AVIL: variants seen among roughly 807,000 people sequenced by gnomAD.
AVIL encodes the protein advillin.
In AVIL, 78 loss-of-function variants were observed where a neutral mutation model predicts 109.9. The ratio of observed to expected loss-of-function variants is 0.71; its 90% CI spans 0.59 to 0.86. The LOEUF (loss-of-function observed/expected upper bound fraction) is 0.86, where lower values mean the gene tolerates loss of function less well. Among genes scored for constraint, AVIL ranks in the 40% least tolerant of loss-of-function variants. The pLI, the probability that AVIL is intolerant of heterozygous loss-of-function variation, is 0.00. For synonymous variants in AVIL, 367 were observed against 379.1 expected (o/e 0.97, Z 0.37); for missense variants, 892 against 1,016.5 (o/e 0.88, Z 1.67).
chr12:57,803,119 A>T lies in AVIL; in HGVS notation c.1962+128T>A, dbSNP rs1166581866. ...GGGCTTTCTTTTGGTCACTGCTGAC[A>T]AAGGTTTGATTGAGCTGGGGATGGT... On this transcript the variant is annotated intron_variant, in intron 16 of 19. Transcript: ENST00000549994. 25 of 1,250,056 alleles carry T rather than the reference A, an allele frequency of 2.0e-5. 1 individual carries two copies. In the Admixed American group the frequency reaches 5.6e-4, roughly 28 times the overall value. 77.4% of individuals were successfully genotyped at this position (1,250,056 alleles called of 1,614,324 possible).
intron 2 of AVIL, chr12:57,814,515 G>T: frequency 2.7e-6 from 1 of 370,002 alleles, no homozygotes. Flanking sequence ...GCACTATTGT[G>T]GGAAACCTGT....
At chr12:57,808,044 A>C (rs962325971) in intron 11 of AVIL, 150 bp downstream of exon 11, 14 of 928,488 alleles carry the variant, frequency 1.5e-5, no homozygotes, top group Non-Finnish European at 2.4e-5. Context: ...AAAACTCTAC[A>C]GACTCACAAG....
At chr12:57,810,241 C>CA in intron 7 of AVIL, 108 bp downstream of exon 7, 1 of 1,224,800 alleles carries the variant, frequency 8.2e-7, no homozygotes, top group Middle Eastern at 2.5e-4. Context: ...AAGAAGAAAA[C>CA]CAGATGGCTA....
chr12:57,798,038 C>A, intron 19 of AVIL, 43 bp from the exon 20 acceptor site: 1 of 1,449,676 alleles, frequency 6.9e-7, no homozygotes. Context: ...GAAGACATGA[C>A]ATCATTGCCA....
chr12:57,802,435 T>TTC (rs1236961279), intron 16 of AVIL, 87 bp from the exon 17 acceptor site: 1 of 1,450,206 alleles, frequency 6.9e-7, no homozygotes, highest in Non-Finnish European at 9.4e-7. Context: ...TCTTTCCCCT[T>TTC]TCTTTCGTGA....
chr12:57,814,387 G>C, intron 2 of AVIL, 161 bp from the exon 3 acceptor site: 1 of 668,612 alleles, frequency 1.5e-6, no homozygotes, highest in Non-Finnish European at 2.5e-6. Flanking sequence ...CAGGGTTAAC[G>C]TGGCCATCCC....
rs540666557 is a variant in AVIL, at chr12:57,814,460, T to C, written c.67-234A>G. The C allele has an allele frequency of 9.7e-6, 5 of 515,438 alleles. No individual in the cohort carries two copies. The Admixed American group carries it at 1.6e-4, about 16-fold the overall frequency. The allele number at this position is 515,438 out of a possible 1,614,324, so 31.9% of individuals were successfully genotyped here. A position where few individuals can be genotyped will look rare whatever the true frequency, so the allele number is the denominator to read the frequency against. ...CTGAACCTTGGTCCCTATCCTGCTT[T>C]CCCTTGCCCTATTCTCCACTCTACT... On this transcript the variant is annotated intron_variant, in intron 2 of 19. Transcript: ENST00000549994.
chr12:57,807,304 G>A (rs1297196424), intron 13 of AVIL, 27 bp downstream of exon 13: 13 of 1,614,038 alleles, frequency 8.1e-6, no homozygotes, highest in Non-Finnish European at 1.1e-5. Context: ...TCCAGCTCAT[G>A]GTGTAATTTT....
intron 18 of AVIL, chr12:57,800,511 T>C (rs1955824120): frequency 6.5e-6 from 1 of 152,840 alleles, no homozygotes; most frequent in African/African-American, 2.4e-5. Context: ...TGAATAAAAA[T>C]GTCATTTGGG....
intron 1 of AVIL, among the ~76,000 whole-genome samples, chr12:57,817,259 A>G (rs1395167103): frequency 1.3e-5 from 2 of 151,816 alleles, no homozygotes; most frequent in African/African-American, 4.8e-5. Flanking sequence ...AAAGGACTGT[A>G]TGCATTTTTG....
chr12:57,799,699 C>T lies in AVIL; in HGVS notation c.2346+96G>A, dbSNP rs879245856. 6.5e-6 allele frequency: 10 copies of T among 1,542,136 alleles called. No homozygotes were observed. In the Middle Eastern group the frequency reaches 8.4e-4, roughly 130 times the overall value. ...AGCTCAGATGTCCATTGAGCGGCTA[C>T]AATGTGCCGGAGCTGTCCTAGGCCA... On this transcript the variant is annotated intron_variant, in intron 19 of 19. Transcript: ENST00000549994.
chr12:57,803,502 G>C (rs1343808366), intron 15 of AVIL, 22 bp downstream of exon 15: 3 of 1,614,090 alleles, frequency 1.9e-6, no homozygotes, highest in Admixed American at 3.3e-5. Flanking sequence ...GCCCAGAAGA[G>C]GGGGAGGCTG....
chr12:57,799,902 G>T lies in AVIL; in HGVS notation c.2239C>A (p.Leu747Ile). Residue 747 changes from leucine to isoleucine, a missense_variant, in exon 19 of 20, where the codon CTC becomes ATC. Leu to Ile is a conservative substitution (Grantham distance 5, BLOSUM62 2). Coordinates refer to ENST00000549994, the MANE Select transcript of AVIL (RefSeq NM_006576.4). ...RITADMKNAT[L>I]SLNSNDSEPK... ...TCACTGTCATTAGAATTCAGGGAGA[G>T]GGTTGCATTCTTCATGTCCTAGGTA... is the stretch of plus-strand genomic sequence containing the variant. 6.2e-7 allele frequency: 1 copy of T among 1,614,164 alleles called. No homozygotes were observed. The highest frequency in any genetic ancestry group is 8.5e-7 in the Non-Finnish European group (1 of 1,180,032).
intron 19 of AVIL, among the ~76,000 whole-genome samples, chr12:57,799,023 T>A (rs906011473): frequency 6.6e-6 from 1 of 152,160 alleles, no homozygotes; most frequent in Admixed American, 6.5e-5. Context: ...GAGAATATGA[T>A]GGTGAGCAAG....
intron 7 of AVIL, 35 bp downstream of exon 7, chr12:57,810,314 C>A: frequency 6.2e-7 from 1 of 1,605,026 alleles, no homozygotes; most frequent in East Asian, 2.2e-5. Context: ...CCCCCCAACC[C>A]CAGCTTCCAG....
rs749185038 is a variant in AVIL at position 57,807,467 on chromosome 12, T to G, written c.1355A>C (p.Glu452Ala). The change falls in exon 13 of 20, where the codon GAG becomes GCG. Residue 452 changes from glutamate (E) to alanine (A), a missense_variant. Physicochemically the swap from Glu to Ala is moderately radical, Grantham distance 107. Transcript: ENST00000549994. ...TGCCTGGTATGCTGAGGCTGCCAGC[T>G]CATCCTGTGAGGCGTGGCGGCCCTG... ...IWQGRHASQD[E>A]LAASAYQAVE... 1 of 1,614,202 alleles carries G rather than the reference T, an allele frequency of 6.2e-7. No individual in the cohort carries two copies. The highest frequency in any genetic ancestry group is 1.1e-5 in the South Asian group (1 of 91,086).
intron 19 of AVIL, among the ~76,000 whole-genome samples, chr12:57,799,096 T>C (rs1400109662): frequency 6.6e-6 from 1 of 152,082 alleles, no homozygotes; most frequent in Non-Finnish European, 1.5e-5. Context: ...TGAACAAGTA[T>C]AAAGGGACTG....
Position 57,807,372 on chromosome 12 carries a change from G to C in AVIL, c.1450C>G (p.His484Asp), listed in dbSNP as rs1268879205. ...TTCCCTTTGAAGATGGCCATGAAGT[G>C]GCGTGGCTCCGTTCCCATCCTGACT... is the stretch of plus-strand genomic sequence containing the variant. Reference protein sequence around the residue: ...VRVRMGTEPRHFMAIFKGKLV... With the variant: ...VRVRMGTEPRDFMAIFKGKLV... The change falls in exon 13 of 20, where the codon CAC becomes GAC. Residue 484 changes from histidine to aspartate, a missense_variant. Coordinates refer to ENST00000549994, the MANE Select transcript of AVIL (RefSeq NM_006576.4). The C allele has an allele frequency of 6.2e-7, 1 of 1,614,212 alleles. No homozygotes were observed. The highest frequency in any genetic ancestry group is 8.5e-7 in the Non-Finnish European group (1 of 1,180,036).
chr12:57,813,500 T>C, intron 3 of AVIL, 77 bp from the exon 4 acceptor site: 1 of 1,413,232 alleles, frequency 7.1e-7, no homozygotes, highest in Middle Eastern at 2.5e-4. Flanking sequence ...ATGGGGAGAA[T>C]GCAGCACATG....
Sources: gnomAD v4.1 joint callset for allele counts (sites outside exome capture counted in the v4.1 genomes callset) on GRCh38, gnomAD v4.1.1 for gene constraint, MANE v1.5 for transcripts, NCBI Gene and HGNC (gene_info 2026-07-23, HGNC 2026-07-21) for gene names.